Variants in HSD17B12 observed in about 807,000 individuals in gnomAD.
The protein encoded by HSD17B12 is very-long-chain 3-oxoacyl-CoA reductase.
In HSD17B12, 32 loss-of-function variants were observed where a neutral mutation model predicts 39.3. The observed-to-expected ratio is 0.81, with a 90% confidence interval of 0.61 to 1.09. The LOEUF (loss-of-function observed/expected upper bound fraction) is 1.09, where lower values mean the gene tolerates loss of function less well. Ranked by LOEUF, HSD17B12 falls within the 50% of genes least tolerant of loss-of-function variation. The probability of loss-of-function intolerance (pLI) is 0.00; values close to 1 mark genes in which losing one functional copy is unlikely to be tolerated. For missense variants in HSD17B12, 342 were observed against 382.9 expected (o/e 0.89, Z 0.89); for synonymous variants, 150 against 146.7 (o/e 1.02, Z -0.16).
the HSD17B12 span, among the ~76,000 whole-genome samples, chr11:43,619,198 GATAT>G: frequency 7.1e-5 from 3 of 42,352 alleles, no homozygotes; most frequent in African/African-American, 2.6e-4. Context: ...ATATATATAT[GATAT>G]ATATATATAT....
the HSD17B12 span, among the ~76,000 whole-genome samples, chr11:43,602,832 T>G: frequency 6.6e-6 from 1 of 151,834 alleles, no homozygotes; most frequent in Admixed American, 6.6e-5. Flanking sequence ...GGTAGAAGTT[T>G]GAATCTGGGC....
the HSD17B12 span, among the ~76,000 whole-genome samples, chr11:43,621,741 A>T: frequency 6.6e-6 from 1 of 152,180 alleles, no homozygotes; most frequent in Admixed American, 6.6e-5. Flanking sequence ...TATTTTCCAA[A>T]TTCGTAAACT....
chr11:43,770,817 A>G (rs1195399074), intron 3 of HSD17B12, among the ~76,000 whole-genome samples: 3 of 152,218 alleles, frequency 2.0e-5, no homozygotes, highest in East Asian at 1.9e-4. Flanking sequence ...GAGAAATTCT[A>G]TATTGTTTGC....
intron 3 of HSD17B12, among the ~76,000 whole-genome samples, chr11:43,772,809 G>A (rs986822807): frequency 3.7e-4 from 56 of 152,070 alleles, no homozygotes; most frequent in African/African-American, 1.3e-3. Context: ...CCTGATTTGG[G>A]GGGAAAAGAA....
chr11:43,780,999 C>T (rs1012467295), intron 3 of HSD17B12, among the ~76,000 whole-genome samples: 3 of 152,126 alleles, frequency 2.0e-5, no homozygotes, highest in Non-Finnish European at 4.4e-5. Context: ...GCAGACTAGT[C>T]GCACCTATAA....
chr11:43,687,947 C>T (rs1949817317), intron 1 of HSD17B12, among the ~76,000 whole-genome samples: 1 of 152,214 alleles, frequency 6.6e-6, no homozygotes, highest in African/African-American at 2.4e-5. Flanking sequence ...CGCAGTGGCT[C>T]ATGCCTGTAA....
chr11:43,844,735 C>T (rs1284808783), intron 9 of HSD17B12, among the ~76,000 whole-genome samples: 2 of 152,186 alleles, frequency 1.3e-5, no homozygotes, highest in Non-Finnish European at 2.9e-5. Flanking sequence ...AAAACTATAC[C>T]TCTTGAACTC....
the HSD17B12 span, among the ~76,000 whole-genome samples, chr11:43,584,896 C>T: frequency 6.6e-6 from 1 of 152,328 alleles, no homozygotes; most frequent in East Asian, 1.9e-4. Context: ...CATAGGACTG[C>T]ATAGGACTTC....
At chr11:43,827,535 T>G (rs1010929806) in intron 6 of HSD17B12, among the ~76,000 whole-genome samples, 1 of 152,172 alleles carries the variant, frequency 6.6e-6, no homozygotes, top group African/African-American at 2.4e-5. Flanking sequence ...GAAATAAGAT[T>G]GTGGAGGCTT....
At chr11:43,655,020 A>G in the HSD17B12 span, among the ~76,000 whole-genome samples, 5 of 152,172 alleles carry the variant, frequency 3.3e-5, no homozygotes, top group African/African-American at 1.2e-4. Flanking sequence ...CACGATATTG[A>G]TTCTTCCTAC....
the HSD17B12 span, among the ~76,000 whole-genome samples, chr11:43,582,495 G>T: frequency 6.6e-6 from 1 of 152,198 alleles, no homozygotes; most frequent in Non-Finnish European, 1.5e-5. Context: ...TTGCCCTTAG[G>T]GACTGGGCCA....
chr11:43,822,506 T>C (rs1206547507), intron 6 of HSD17B12, among the ~76,000 whole-genome samples: 1 of 152,080 alleles, frequency 6.6e-6, no homozygotes, highest in African/African-American at 2.4e-5. Context: ...CAACAGGCCC[T>C]GGGGTGTGAT....
chr11:43,830,058 C>T (rs1054677467), intron 6 of HSD17B12: 2 of 152,262 alleles, frequency 1.3e-5, no homozygotes, highest in Middle Eastern at 3.4e-3. Context: ...TTTATTTCTT[C>T]AGAATATTTC....
At chr11:43,657,827 C>G in the HSD17B12 span, among the ~76,000 whole-genome samples, 1 of 152,130 alleles carries the variant, frequency 6.6e-6, no homozygotes, top group African/African-American at 2.4e-5. Flanking sequence ...CTCTGGCTAC[C>G]CTTAACATTT....
At chr11:43,767,885 G>A (rs1950609674) in intron 3 of HSD17B12, among the ~76,000 whole-genome samples, 1 of 152,184 alleles carries the variant, frequency 6.6e-6, no homozygotes, top group Non-Finnish European at 1.5e-5. Context: ...CCTGATGAAA[G>A]TATTAAGTCA....
intron 4 of HSD17B12, among the ~76,000 whole-genome samples, chr11:43,804,504 C>T (rs1195185725): frequency 6.6e-6 from 1 of 152,158 alleles, no homozygotes; most frequent in Non-Finnish European, 1.5e-5. Flanking sequence ...TGGAATAGAA[C>T]TTATTATTCT....
chr11:43,614,551 A>C, the HSD17B12 span, among the ~76,000 whole-genome samples: 1 of 151,996 alleles, frequency 6.6e-6, no homozygotes, highest in Non-Finnish European at 1.5e-5. Flanking sequence ...AAGGTTTGTA[A>C]GTTTCTTAGA....
intron 6 of HSD17B12, among the ~76,000 whole-genome samples, chr11:43,827,596 A>C (rs1439509580): frequency 1.3e-5 from 2 of 152,244 alleles, no homozygotes; most frequent in East Asian, 1.9e-4. Context: ...TGAGAAATAT[A>C]TACAAACACT....
At chr11:43,589,221 CT>C in the HSD17B12 span, among the ~76,000 whole-genome samples, 1 of 152,128 alleles carries the variant, frequency 6.6e-6, no homozygotes, top group Non-Finnish European at 1.5e-5. Context: ...TCTGACTTTA[CT>C]TTTAACATCT....
Sources: allele counts gnomAD v4.1 joint callset (sites outside exome capture counted in the v4.1 genomes callset), GRCh38; gene constraint gnomAD v4.1.1; transcripts MANE v1.5; gene names NCBI Gene and HGNC (gene_info 2026-07-23, HGNC 2026-07-21).